Variants in PARPBP observed in about 807,000 individuals in gnomAD.
The protein encoded by PARPBP is PCNA-interacting partner.
PARPBP carries 52 observed loss-of-function variants against 50.0 expected under a neutral mutation model. The observed-to-expected ratio is 1.04, with a 90% CI of 0.83 to 1.31. The LOEUF (loss-of-function observed/expected upper bound fraction) is 1.31, where lower values mean the gene tolerates loss of function less well. PARPBP is among the 50% of genes most tolerant of loss of function. The pLI, the probability that PARPBP is intolerant of heterozygous loss-of-function variation, is 0.00. For missense variants in PARPBP, 697 were observed against 672.0 expected, an observed-to-expected ratio of 1.04 and a Z score of -0.41; for synonymous variants, 244 against 232.1, an observed-to-expected ratio of 1.05 and a Z score of -0.47.
At chr12:102,135,401 C>T (rs889484884) in intron 2 of PARPBP, among the ~76,000 whole-genome samples, 12 of 151,654 alleles carry the variant, frequency 7.9e-5, no homozygotes, top group Non-Finnish European at 1.6e-4. Context: ...GAGAATTAGC[C>T]GGGTGTGGTG....
chr12:102,157,098 A>G (rs891967354), intron 4 of PARPBP, among the ~76,000 whole-genome samples: 1 of 152,194 alleles, frequency 6.6e-6, no homozygotes, highest in Non-Finnish European at 1.5e-5. Context: ...AATAGATTGC[A>G]CTTAAAATAT....
intron 2 of PARPBP, among the ~76,000 whole-genome samples, chr12:102,132,886 A>AT (rs1883080600): frequency 6.6e-6 from 1 of 151,992 alleles, no homozygotes; most frequent in Non-Finnish European, 1.5e-5. Flanking sequence ...GGTTAAATTT[A>AT]TTTGTAAAAA....
intron 6 of PARPBP, among the ~76,000 whole-genome samples, chr12:102,171,094 A>G (rs1594585519): frequency 6.7e-6 from 1 of 148,862 alleles, no homozygotes; most frequent in Non-Finnish European, 1.5e-5. Context: ...CAGTCACAAC[A>G]CCTTCTTCAG....
chr12:102,151,478 G>C, intron 3 of PARPBP: 4 of 811,624 alleles, frequency 4.9e-6, no homozygotes, highest in Non-Finnish European at 7.9e-6. Flanking sequence ...GCCTGCGGCT[G>C]CTGGGAGATG....
At chr12:102,124,357 T>G (rs1463674208) in intron 2 of PARPBP, among the ~76,000 whole-genome samples, 1 of 152,244 alleles carries the variant, frequency 6.6e-6, no homozygotes, top group East Asian at 1.9e-4. Context: ...ATAAGACTTT[T>G]TTCATTCCCT....
In PARPBP at chr12:102,195,993, G is replaced by A; in HGVS notation, c.1442G>A (p.Ser481Asn). Residue 481 changes from serine to asparagine, a missense_variant, in exon 11 of 11, where the codon AGT becomes AAT. Transcript: ENST00000327680. ...PSVGRSTIGT[S>N]FGNVHLDRSK... ...GTTGGAAGATCAACAATTGGAACGA[G>A]TTTTGGAAATGTTCATCTGGACAGA... 6.2e-7 allele frequency: 1 copy of A among 1,607,698 alleles called. No individual in the cohort carries two copies. Among genetic ancestry groups the A allele is most frequent in the Non-Finnish European group, 8.5e-7 (1 of 1,177,318 alleles).
intron 3 of PARPBP, chr12:102,151,433 A>C: frequency 1.6e-6 from 1 of 634,840 alleles, no homozygotes; most frequent in South Asian, 2.0e-5. Flanking sequence ...AGCTCATAAA[A>C]TGTAGCACCT....
intron 1 of PARPBP, among the ~76,000 whole-genome samples, chr12:102,122,326 C>T (rs1222911851): frequency 6.6e-6 from 1 of 152,118 alleles, no homozygotes; most frequent in Non-Finnish European, 1.5e-5. Flanking sequence ...TAATCTTCTA[C>T]CTGTATCTTT....
chr12:102,159,286 C>T (rs564989554), intron 4 of PARPBP, among the ~76,000 whole-genome samples: 7 of 152,222 alleles, frequency 4.6e-5, no homozygotes, highest in Admixed American at 1.3e-4. Context: ...CGTGCCACCA[C>T]GCCTGGCTAA....
At position 102,148,303 on chromosome 12, in the gene PARPBP, A is replaced by G; in HGVS notation, c.227A>G (p.Asn76Ser). 2 of 1,608,346 alleles carry G rather than the reference A, an allele frequency of 1.2e-6. No homozygotes were observed. The highest frequency in any genetic ancestry group is 1.7e-6 in the Non-Finnish European group (2 of 1,175,452). ...AAATACTTGCTCCATGAGAAATTGA[A>G]CTTACCAGTTGAAAACATGGACGTG... ...TWKYLLHEKL[N>S]LPVENMDVTD... The change falls in exon 3 of 11, where the codon AAC (asparagine) becomes AGC (serine). Residue 76 changes from asparagine to serine, a missense_variant. Physicochemically the swap from Asn to Ser is conservative, Grantham distance 46 (BLOSUM62 1). Coordinates refer to ENST00000327680, the MANE Select transcript of PARPBP (RefSeq NM_017915.5).
At chr12:102,142,085 C>A (rs975485651) in intron 2 of PARPBP, among the ~76,000 whole-genome samples, 7 of 152,300 alleles carry the variant, frequency 4.6e-5, no homozygotes, top group African/African-American at 1.7e-4. Context: ...GAGTGTTTTC[C>A]AACTTGGTTC....
chr12:102,139,866 G>A (rs552372193), intron 2 of PARPBP, among the ~76,000 whole-genome samples: 139 of 152,306 alleles, frequency 9.1e-4, no homozygotes, highest in African/African-American at 3.2e-3. Flanking sequence ...TTTTAGATGT[G>A]CTGCTGGATT....
intron 9 of PARPBP, among the ~76,000 whole-genome samples, chr12:102,190,940 A>G (rs1483998439): frequency 6.6e-6 from 1 of 152,126 alleles, no homozygotes; most frequent in Non-Finnish European, 1.5e-5. Flanking sequence ...GAGAAGGTTG[A>G]CATTCAGCAA....
At chr12:102,192,101 T>C (rs906370249) in intron 9 of PARPBP, among the ~76,000 whole-genome samples, 1 of 152,142 alleles carries the variant, frequency 6.6e-6, no homozygotes, top group African/African-American at 2.4e-5. Context: ...TTTAAATAAT[T>C]AAAATGAAGA....
intron 2 of PARPBP, among the ~76,000 whole-genome samples, chr12:102,145,246 T>C (rs1198476974): frequency 6.6e-6 from 1 of 152,182 alleles, no homozygotes; most frequent in Non-Finnish European, 1.5e-5. Flanking sequence ...TCTAGTGAAC[T>C]ATAGTTGTAC....
chr12:102,185,728 G>T (rs953076000), intron 9 of PARPBP, among the ~76,000 whole-genome samples: 1 of 151,806 alleles, frequency 6.6e-6, no homozygotes, highest in Non-Finnish European at 1.5e-5. Flanking sequence ...GCGTGATCTC[G>T]GCTCACTGTA....
At chr12:102,156,312 G>T (rs566397554) in intron 4 of PARPBP, among the ~76,000 whole-genome samples, 68 of 146,994 alleles carry the variant, frequency 4.6e-4, no homozygotes, top group African/African-American at 1.7e-3. Flanking sequence ...TCAGCCTCCC[G>T]CGTAGCTGGG....
chr12:102,188,590 G>A (rs1233134898), intron 9 of PARPBP, among the ~76,000 whole-genome samples: 1 of 152,088 alleles, frequency 6.6e-6, no homozygotes, highest in African/African-American at 2.4e-5. Context: ...GTCATCTGTA[G>A]CTTCTAGAGT....
At chr12:102,161,947 G>A (rs1461191647) in intron 4 of PARPBP, among the ~76,000 whole-genome samples, 1 of 151,982 alleles carries the variant, frequency 6.6e-6, no homozygotes, top group African/African-American at 2.4e-5. Flanking sequence ...TTTAAACTTT[G>A]TTTTCTTGTA....
Sources: allele counts gnomAD v4.1 joint callset (sites outside exome capture counted in the v4.1 genomes callset), GRCh38; gene constraint gnomAD v4.1.1; transcripts MANE v1.5; gene names NCBI Gene and HGNC (gene_info 2026-07-23, HGNC 2026-07-21).